Variants in CDH13 observed in about 807,000 individuals in gnomAD.
CDH13 encodes cadherin-13.
Under a neutral mutation model 63.8 loss-of-function variants are expected in CDH13, and 24 were observed. That is an observed-to-expected ratio of 0.38 (90% CI 0.27 to 0.53). The LOEUF (loss-of-function observed/expected upper bound fraction) is 0.53, where lower values mean the gene tolerates loss of function less well. CDH13 is among the 20% of genes least tolerant of loss of function. The pLI is 0.85. For missense variants in CDH13, 1,049 were observed against 903.1 expected, an observed-to-expected ratio of 1.16 and a Z score of -2.07; for synonymous variants, 503 against 355.3, an observed-to-expected ratio of 1.42 and a Z score of -4.67.
chr16:83,501,567 T>C (rs142034992), intron 7 of CDH13, among the ~76,000 whole-genome samples: 144 of 152,332 alleles, frequency 9.5e-4, no homozygotes, highest in Non-Finnish European at 1.7e-3. Flanking sequence ...CGGCGTTTTT[T>C]CATCCAGGCA....
At chr16:82,851,574 G>A (rs559285486) in intron 1 of CDH13, among the ~76,000 whole-genome samples, 4 of 152,212 alleles carry the variant, frequency 2.6e-5, no homozygotes, top group South Asian at 2.1e-4. Flanking sequence ...GACCAGAAAC[G>A]TGTCAGGTTT....
chr16:82,783,873 A>T (rs748003910), intron 1 of CDH13, among the ~76,000 whole-genome samples: 1 of 152,184 alleles, frequency 6.6e-6, no homozygotes, highest in Non-Finnish European at 1.5e-5. Flanking sequence ...AGATTTGGAG[A>T]TGGAGTTAGT....
chr16:82,927,247 T>C (rs780243888), intron 2 of CDH13, among the ~76,000 whole-genome samples: 10 of 152,172 alleles, frequency 6.6e-5, no homozygotes, highest in Non-Finnish European at 1.0e-4. Context: ...TTTATAGCAG[T>C]TGGGGCAGTC....
chr16:83,761,819 C>T (rs552263381), intron 11 of CDH13, among the ~76,000 whole-genome samples: 1 of 152,192 alleles, frequency 6.6e-6, no homozygotes, highest in Non-Finnish European at 1.5e-5. Context: ...GTAATCCCAG[C>T]ACTTTGGGAG....
intron 11 of CDH13, among the ~76,000 whole-genome samples, chr16:83,753,966 G>A (rs1597180066): frequency 6.6e-6 from 1 of 151,630 alleles, no homozygotes; most frequent in East Asian, 1.9e-4. Context: ...TTTTTCTCTG[G>A]GTGCATTTTC....
chr16:83,288,323 G>T (rs2089375807), intron 5 of CDH13, among the ~76,000 whole-genome samples: 1 of 152,152 alleles, frequency 6.6e-6, no homozygotes, highest in Non-Finnish European at 1.5e-5. Flanking sequence ...TTGTTCCATG[G>T]TGTCTTTTAA....
chr16:83,499,087 G>A (rs1049939356), intron 7 of CDH13, among the ~76,000 whole-genome samples: 3 of 152,190 alleles, frequency 2.0e-5, no homozygotes, highest in African/African-American at 4.8e-5. Context: ...AGCAACAAGG[G>A]TTTTTGTTGG....
At chr16:83,138,775 C>G (rs1299674401) in intron 4 of CDH13, among the ~76,000 whole-genome samples, 1 of 151,990 alleles carries the variant, frequency 6.6e-6, no homozygotes, top group Non-Finnish European at 1.5e-5. Flanking sequence ...AAACCAGGAG[C>G]AGGGGTGACA....
chr16:83,065,600 G>A (rs550615350), intron 3 of CDH13, among the ~76,000 whole-genome samples: 4 of 152,044 alleles, frequency 2.6e-5, no homozygotes, highest in South Asian at 2.1e-4. Flanking sequence ...AGCTAGTCGG[G>A]AGGCTAAGGC....
intron 2 of CDH13, among the ~76,000 whole-genome samples, chr16:82,901,820 C>T (rs1333206539): frequency 1.3e-5 from 2 of 152,198 alleles, no homozygotes; most frequent in African/African-American, 2.4e-5. Context: ...CTCATGGAGC[C>T]TGAAGTCCAG....
At chr16:82,796,463 G>A (rs1658045552) in intron 1 of CDH13, among the ~76,000 whole-genome samples, 1 of 152,228 alleles carries the variant, frequency 6.6e-6, no homozygotes, top group Admixed American at 6.5e-5. Flanking sequence ...TCTAGGAGCT[G>A]TGATTTCAAC....
chr16:82,815,324 C>G (rs377088773), intron 1 of CDH13, among the ~76,000 whole-genome samples: 29 of 152,252 alleles, frequency 1.9e-4, no homozygotes, highest in African/African-American at 6.7e-4. Context: ...GTCGACTTGC[C>G]TCTCACTCTC....
At chr16:83,006,176 C>G (rs1163399751) in intron 2 of CDH13, among the ~76,000 whole-genome samples, 1 of 152,140 alleles carries the variant, frequency 6.6e-6, no homozygotes, top group African/African-American at 2.4e-5. Context: ...GGGGCATTTT[C>G]AAGTCTCAAT....
At chr16:83,189,151 C>A (rs1174056797) in intron 4 of CDH13, among the ~76,000 whole-genome samples, 2 of 151,520 alleles carry the variant, frequency 1.3e-5, no homozygotes, top group South Asian at 4.2e-4. Context: ...CAAAAGCGGT[C>A]ACTTTGTTCG....
intron 1 of CDH13, among the ~76,000 whole-genome samples, chr16:82,640,258 A>C (rs1271335480): frequency 6.6e-6 from 1 of 152,210 alleles, no homozygotes; most frequent in Non-Finnish European, 1.5e-5. Flanking sequence ...CATAGAGATG[A>C]AATGTGCTAC....
intron 3 of CDH13, among the ~76,000 whole-genome samples, chr16:83,119,634 T>C (rs1259776000): frequency 6.6e-6 from 1 of 152,232 alleles, no homozygotes; most frequent in Non-Finnish European, 1.5e-5. Flanking sequence ...GTTGTCCTTC[T>C]CTGAGTTTCT....
intron 7 of CDH13, among the ~76,000 whole-genome samples, chr16:83,579,085 A>G (rs1167926530): frequency 3.3e-5 from 5 of 152,238 alleles, no homozygotes; most frequent in Non-Finnish European, 7.3e-5. Flanking sequence ...AGACAGTGTT[A>G]TAAACACAGA....
intron 5 of CDH13, among the ~76,000 whole-genome samples, chr16:83,263,464 C>T (rs1237865385): frequency 1.3e-5 from 2 of 152,158 alleles, no homozygotes; most frequent in Non-Finnish European, 2.9e-5. Context: ...CTACCAACCA[C>T]ATCACAGAAT....
chr16:83,521,533 T>C (rs2074837354), intron 7 of CDH13, among the ~76,000 whole-genome samples: 1 of 152,196 alleles, frequency 6.6e-6, no homozygotes, highest in Non-Finnish European at 1.5e-5. Context: ...TCCCAGGGTA[T>C]GCTATGAGAA....
Sources: allele counts gnomAD v4.1 joint callset (sites outside exome capture counted in the v4.1 genomes callset), GRCh38; gene constraint gnomAD v4.1.1; transcripts MANE v1.5; gene names NCBI Gene and HGNC (gene_info 2026-07-23, HGNC 2026-07-21).